The following ST8SIA2 variants were observed in gnomAD, a reference collection of about 807,000 sequenced individuals.
ST8SIA2 encodes ST8 alpha-N-acetyl-neuraminide alpha-2,8-sialyltransferase 2.
Under a neutral mutation model 37.6 loss-of-function variants are expected in ST8SIA2, and 22 were observed. The observed-to-expected ratio is 0.58, with a 90% CI of 0.42 to 0.83. The LOEUF is 0.83. Among genes scored for constraint, ST8SIA2 ranks in the 40% least tolerant of loss-of-function variants. ST8SIA2 has a pLI of 0.00. For synonymous variants in ST8SIA2, 205 were observed against 201.2 expected (o/e 1.02, Z -0.16); for missense variants, 382 against 484.7 (o/e 0.79, Z 1.99).
intron 1 of ST8SIA2, among the ~76,000 whole-genome samples, chr15:92,401,177 T>A (rs1246559621): frequency 6.6e-6 from 1 of 152,114 alleles, no homozygotes; most frequent in African/African-American, 2.4e-5. Flanking sequence ...AGCCACCAGC[T>A]GGGTGAGTCA....
At chr15:92,404,156 G>A (rs1365803145) in intron 1 of ST8SIA2, among the ~76,000 whole-genome samples, 4 of 152,180 alleles carry the variant, frequency 2.6e-5, no homozygotes, top group East Asian at 1.9e-4. Flanking sequence ...GGGGCCTTAC[G>A]TTTATCTGTA....
chr15:92,409,310 T>C (rs1454318846), intron 1 of ST8SIA2, among the ~76,000 whole-genome samples: 1 of 152,240 alleles, frequency 6.6e-6, no homozygotes, highest in East Asian at 1.9e-4. Context: ...GCTGGCTTAA[T>C]GGTACCTAAT....
intron 1 of ST8SIA2, among the ~76,000 whole-genome samples, chr15:92,404,296 C>T (rs925662280): frequency 1.3e-5 from 2 of 152,280 alleles, no homozygotes; most frequent in Admixed American, 6.5e-5. Context: ...CACTTATTAC[C>T]TGTGTGAGTT....
chr15:92,453,139 C>A (rs1336079898), intron 5 of ST8SIA2, among the ~76,000 whole-genome samples: 2 of 152,202 alleles, frequency 1.3e-5, no homozygotes, highest in East Asian at 3.9e-4. Flanking sequence ...TTCAAATCCA[C>A]GTATATAGGC....
chr15:92,419,970 A>G lies in ST8SIA2; in HGVS notation c.99-10079A>G, dbSNP rs144172570. On this transcript the variant is annotated intron_variant, in intron 1 of 5. Transcript: ENST00000268164. Reference sequence around the variant, plus strand: ...AACCTCCGCCTCCTGAGTTCAAGCGATTCTCCTGCCTCAGCCTCCGGAGTA... The same window carrying G: ...AACCTCCGCCTCCTGAGTTCAAGCGGTTCTCCTGCCTCAGCCTCCGGAGTA... Among the ~76,000 whole-genome samples the G allele has an allele frequency of 2.7e-3, 418 of 152,248 alleles. 3 individuals carry two copies. Among genetic ancestry groups the G allele is most frequent in the African/African-American group, 9.5e-3 (396 of 41,536 alleles).
chr15:92,451,315 G>A (rs1057461627), intron 5 of ST8SIA2, among the ~76,000 whole-genome samples: 3 of 152,254 alleles, frequency 2.0e-5, no homozygotes, highest in Non-Finnish European at 2.9e-5. Flanking sequence ...AGAAGACCAC[G>A]GCAGGCAGCA....
intron 1 of ST8SIA2, among the ~76,000 whole-genome samples, chr15:92,396,125 G>A (rs530324992): frequency 1.3e-5 from 2 of 152,116 alleles, no homozygotes; most frequent in Non-Finnish European, 2.9e-5. Flanking sequence ...AGGAAAAAAC[G>A]GTCAAACAAG....
intron 5 of ST8SIA2, among the ~76,000 whole-genome samples, chr15:92,458,283 G>A (rs1426318701): frequency 6.6e-6 from 1 of 152,144 alleles, no homozygotes; most frequent in Non-Finnish European, 1.5e-5. Flanking sequence ...TCCAAGGCAG[G>A]GGAAGAAGAA....
intron 2 of ST8SIA2, among the ~76,000 whole-genome samples, chr15:92,432,603 G>T (rs903325872): frequency 3.3e-5 from 5 of 152,150 alleles, no homozygotes. Context: ...ATTCCAAAGG[G>T]TTAGGTCTTG....
At chr15:92,455,105 G>A (rs982888936) in intron 5 of ST8SIA2, among the ~76,000 whole-genome samples, 5 of 152,244 alleles carry the variant, frequency 3.3e-5, no homozygotes, top group African/African-American at 1.2e-4. Flanking sequence ...AGAAGAGTAA[G>A]CAAGGTGCAA....
chr15:92,406,615 C>A (rs983902430), intron 1 of ST8SIA2, among the ~76,000 whole-genome samples: 22 of 152,250 alleles, frequency 1.4e-4, no homozygotes, highest in African/African-American at 5.3e-4. Flanking sequence ...CTTGGCCCAT[C>A]ACACCAGGGG....
At chr15:92,439,964 G>C (rs913136268) in intron 4 of ST8SIA2, among the ~76,000 whole-genome samples, 2 of 152,148 alleles carry the variant, frequency 1.3e-5, no homozygotes, top group African/African-American at 4.8e-5. Flanking sequence ...GGGGGTGGCT[G>C]TCTGACCTAA....
At chr15:92,441,418 C>T (rs368241563) in intron 4 of ST8SIA2, among the ~76,000 whole-genome samples, 64 of 152,234 alleles carry the variant, frequency 4.2e-4, no homozygotes, top group East Asian at 1.9e-3. Context: ...CTCGAGCAAG[C>T]GTCAGCTGCA....
intron 5 of ST8SIA2, among the ~76,000 whole-genome samples, chr15:92,456,956 A>G (rs968712645): frequency 6.6e-6 from 1 of 152,192 alleles, no homozygotes; most frequent in African/African-American, 2.4e-5. Flanking sequence ...AACAGCCCCA[A>G]ATTCTAAGAC....
intron 4 of ST8SIA2, among the ~76,000 whole-genome samples, chr15:92,439,954 G>A (rs555704413): frequency 6.6e-6 from 1 of 152,096 alleles, no homozygotes; most frequent in African/African-American, 2.4e-5. Context: ...GGGGAGGCGG[G>A]GGGGTGGCTG....
intron 5 of ST8SIA2, among the ~76,000 whole-genome samples, chr15:92,457,466 C>T (rs766734996): frequency 1.3e-5 from 2 of 152,172 alleles, no homozygotes; most frequent in African/African-American, 2.4e-5. Flanking sequence ...TAATTACTGC[C>T]TTCTTTGAGA....
At position 92,394,111 on chromosome 15, in the gene ST8SIA2, T is replaced by C. The variant is rs991434198; in HGVS notation, c.47T>C (p.Leu16Pro). Reference protein sequence around the residue: ...RSWMLAALTLLVVFLIFADIS... With the variant: ...RSWMLAALTLPVVFLIFADIS... ...TGGATGCTGGCCGCGCTCACGCTGC[T>C]CGTGGTCTTCCTCATCTTCGCAGAC... The change falls in exon 1 of 6, where the codon CTC becomes CCC. Residue 16 changes from leucine (L) to proline (P), a missense_variant. Leu to Pro is a moderately conservative substitution (Grantham distance 98, BLOSUM62 -3). Transcript: ENST00000268164. The C allele has an allele frequency of 2.6e-6, 4 of 1,559,972 alleles. No homozygotes were observed. The highest frequency in any genetic ancestry group is 3.5e-6 in the Non-Finnish European group (4 of 1,151,102).
intron 1 of ST8SIA2, among the ~76,000 whole-genome samples, 190 bp downstream of exon 1, chr15:92,394,352 C>A (rs1167538917): frequency 6.6e-6 from 1 of 152,032 alleles, no homozygotes; most frequent in African/African-American, 2.4e-5. Flanking sequence ...AGGGTGGGGG[C>A]GCGGCTGCTG....
intron 1 of ST8SIA2, among the ~76,000 whole-genome samples, chr15:92,395,077 C>T (rs1430575763): frequency 6.6e-6 from 1 of 152,130 alleles, no homozygotes; most frequent in African/African-American, 2.4e-5. Flanking sequence ...CGCCCCGCCC[C>T]GCAGCCTTCG....
Sources: allele counts gnomAD v4.1 joint callset (sites outside exome capture counted in the v4.1 genomes callset), GRCh38; gene constraint gnomAD v4.1.1; transcripts MANE v1.5; gene names NCBI Gene and HGNC (gene_info 2026-07-23, HGNC 2026-07-21).